The following C8orf34 variants were observed in gnomAD, a reference collection of about 807,000 sequenced individuals.
C8orf34 encodes chromosome 8 open reading frame 34.
In C8orf34, 65 loss-of-function variants were observed where a neutral mutation model predicts 68.3. The ratio of observed to expected loss-of-function variants is 0.95; its 90% CI spans 0.78 to 1.17. The LOEUF is 1.17. Ranked by LOEUF, C8orf34 falls within the 50% of genes most tolerant of loss-of-function variation. The pLI, the probability that C8orf34 is intolerant of heterozygous loss-of-function variation, is 0.00. For synonymous variants in C8orf34, 244 were observed against 241.2 expected (o/e 1.01, Z -0.11); for missense variants, 664 against 655.4 (o/e 1.01, Z -0.14).
intron 7 of C8orf34, among the ~76,000 whole-genome samples, chr8:68,596,601 T>A (rs892459064): frequency 6.6e-6 from 1 of 152,152 alleles, no homozygotes; most frequent in African/African-American, 2.4e-5. Context: ...GGCAGGTTAC[T>A]CATACCTCCA....
At chr8:68,649,947 C>T (rs1432730541) in intron 8 of C8orf34, among the ~76,000 whole-genome samples, 1 of 151,336 alleles carries the variant, frequency 6.6e-6, no homozygotes, top group African/African-American at 2.4e-5. Flanking sequence ...CAGTTTTTAG[C>T]AGAGAATCTA....
chr8:68,527,452 G>C (rs1586321956), intron 6 of C8orf34, among the ~76,000 whole-genome samples: 1 of 152,190 alleles, frequency 6.6e-6, no homozygotes, highest in East Asian at 1.9e-4. Context: ...GGCGCCTGTA[G>C]TCCCAGCTAC....
intron 11 of C8orf34, among the ~76,000 whole-genome samples, chr8:68,779,481 A>C (rs1272243333): frequency 6.6e-6 from 1 of 152,130 alleles, no homozygotes; most frequent in Non-Finnish European, 1.5e-5. Flanking sequence ...TGGCAGCTTC[A>C]CAATCTCTTA....
At chr8:68,561,960 T>C (rs7004410) in intron 7 of C8orf34, among the ~76,000 whole-genome samples, 32,248 of 152,090 alleles carry the variant, frequency 0.21, 4,449 homozygotes, top group African/African-American at 0.4. Context: ...AAATCCCACC[T>C]TGGGGCTATT....
At chr8:68,783,898 C>G (rs1439272343) in intron 11 of C8orf34, among the ~76,000 whole-genome samples, 1 of 152,066 alleles carries the variant, frequency 6.6e-6, no homozygotes, top group Non-Finnish European at 1.5e-5. Context: ...TAAAAATAAA[C>G]TTTTTTAGAA....
chr8:68,622,604 G>C (rs1435846771), intron 7 of C8orf34, among the ~76,000 whole-genome samples: 3 of 152,160 alleles, frequency 2.0e-5, no homozygotes, highest in Admixed American at 2.0e-4. Flanking sequence ...GAGCATAAGA[G>C]ACAATATTTC....
At chr8:68,442,150 A>G (rs770757415) in intron 2 of C8orf34, among the ~76,000 whole-genome samples, 2 of 152,096 alleles carry the variant, frequency 1.3e-5, no homozygotes, top group Non-Finnish European at 2.9e-5. Context: ...AATTTTGTCT[A>G]TTTATTATGT....
chr8:68,669,859 C>A (rs1056639642), intron 8 of C8orf34, among the ~76,000 whole-genome samples: 4 of 152,250 alleles, frequency 2.6e-5, no homozygotes, highest in Admixed American at 1.3e-4. Context: ...ATTTCAGGCC[C>A]CCTTTGTCTA....
chr8:68,409,878 A>G (rs1282328350), intron 1 of C8orf34, among the ~76,000 whole-genome samples: 1 of 152,170 alleles, frequency 6.6e-6, no homozygotes, highest in East Asian at 1.9e-4. Flanking sequence ...GTTTAGATAG[A>G]TTTAGATACA....
At chr8:68,639,601 A>G (rs894129516) in intron 7 of C8orf34, among the ~76,000 whole-genome samples, 6 of 152,100 alleles carry the variant, frequency 3.9e-5, no homozygotes, top group African/African-American at 1.4e-4. Context: ...TTGAAACTTT[A>G]TGTATCTTTA....
chr8:68,489,657 G>T (rs77391779), intron 5 of C8orf34, among the ~76,000 whole-genome samples: 2,713 of 152,210 alleles, frequency 0.018, 80 homozygotes, highest in African/African-American at 0.062. Flanking sequence ...ACATCGTGTC[G>T]ATGCTCAAAA....
intron 10 of C8orf34, among the ~76,000 whole-genome samples, chr8:68,737,002 A>C (rs1050671158): frequency 2.6e-5 from 4 of 152,070 alleles, no homozygotes; most frequent in African/African-American, 9.7e-5. Flanking sequence ...CTCCAAATTA[A>C]ATGTTTGAGT....
chr8:68,738,259 A>G (rs890132260), intron 10 of C8orf34, among the ~76,000 whole-genome samples: 3 of 152,268 alleles, frequency 2.0e-5, no homozygotes, highest in South Asian at 2.1e-4. Context: ...TAATGAGAAC[A>G]AAGATAAAAT....
In C8orf34 at chr8:68,491,307, C is replaced by T. The variant is rs6984652; in HGVS notation, c.765+3256C>T. On this transcript the variant is annotated intron_variant, in intron 5 of 13. Transcript: ENST00000518698. The stretch of plus-strand genomic sequence containing the variant: ...TGTCACTAACGTTTTTCTTTCTCTT[C>T]GATGACTACTGTATTGGCTTTCGAT... 8.4e-3 allele frequency among the ~76,000 whole-genome samples: 1,278 copies of T among 151,282 alleles called. 25 individuals are homozygous for T. The highest frequency in any genetic ancestry group is 0.029 in the African/African-American group (1,188 of 41,232).
In C8orf34 at chr8:68,534,285, G is replaced by A. The variant is rs1173644017; in HGVS notation, c.1105+1136G>A. 6 of 985,178 alleles carry A rather than the reference G, an allele frequency of 6.1e-6. No homozygotes were observed. In the Admixed American group the frequency reaches 3.7e-4, roughly 61 times the overall value. The allele number at this position is 985,178 out of a possible 1,614,324, so 61.0% of individuals were successfully genotyped here. A position where few individuals can be genotyped will look rare whatever the true frequency, so the allele number is the denominator to read the frequency against. ...ACATGCTGTTGGTCCCTTCCAATTG[G>A]GTCTTTTCCTCACCTCCAAATCATT... On this transcript the variant is annotated intron_variant, in intron 7 of 13. Transcript: ENST00000518698.
At chr8:68,468,603 T>C in intron 3 of C8orf34, 89 bp from the exon 4 acceptor site, 1 of 1,320,986 alleles carries the variant, frequency 7.6e-7, no homozygotes, top group South Asian at 1.5e-5. Flanking sequence ...TATACATTGA[T>C]CTTGGTACAG....
At chr8:68,428,640 A>G (rs1810328642) in intron 1 of C8orf34, among the ~76,000 whole-genome samples, 1 of 152,148 alleles carries the variant, frequency 6.6e-6, no homozygotes, top group Non-Finnish European at 1.5e-5. Flanking sequence ...TCTTGGCAGA[A>G]TAAATAAGAA....
At position 68,563,090 on chromosome 8, in the gene C8orf34, C is replaced by T. The variant is rs558105955; in HGVS notation, c.1105+29941C>T. Among the ~76,000 whole-genome samples, 6 of 152,208 alleles carry T rather than the reference C, an allele frequency of 3.9e-5. No homozygotes were observed. The South Asian group carries it at 8.3e-4, about 21-fold the overall frequency. On this transcript the variant is annotated intron_variant, in intron 7 of 13. Transcript: ENST00000518698. Reference sequence around the variant, plus strand: ...ACAGTGACTCTTTTCCTTATTCTACCACCATTAACCTCCTAATATTACTAA... The same window carrying T: ...ACAGTGACTCTTTTCCTTATTCTACTACCATTAACCTCCTAATATTACTAA...
chr8:68,501,958 CA>C (rs369584387), intron 5 of C8orf34, among the ~76,000 whole-genome samples: 89 of 150,776 alleles, frequency 5.9e-4, no homozygotes, highest in African/African-American at 1.9e-3. Context: ...TTTGACATTT[CA>C]AAAAAAAAGA....
Sources: allele counts gnomAD v4.1 joint callset (sites outside exome capture counted in the v4.1 genomes callset), GRCh38; gene constraint gnomAD v4.1.1; transcripts MANE v1.5; gene names NCBI Gene and HGNC (gene_info 2026-07-23, HGNC 2026-07-21).